Variants in HHLA1 observed in about 807,000 individuals in gnomAD.
HHLA1 encodes the protein HERV-H LTR-associating protein 1.
Under a neutral mutation model 69.9 loss-of-function variants are expected in HHLA1, and 72 were observed. The ratio of observed to expected loss-of-function variants is 1.03; its 90% confidence interval spans 0.85 to 1.25. HHLA1 has a LOEUF of 1.25. Ranked by LOEUF, HHLA1 falls within the 50% of genes most tolerant of loss-of-function variation. The probability of loss-of-function intolerance (pLI) is 0.00; values close to 1 mark genes in which losing one functional copy is unlikely to be tolerated. For missense variants in HHLA1, 685 were observed against 642.2 expected, an observed-to-expected ratio of 1.07 and a Z score of -0.72; for synonymous variants, 252 against 233.2, an observed-to-expected ratio of 1.08 and a Z score of -0.73.
At chr8:132,094,722 A>G (rs1318998078) in intron 7 of HHLA1, among the ~76,000 whole-genome samples, 1 of 152,058 alleles carries the variant, frequency 6.6e-6, no homozygotes, top group East Asian at 1.9e-4. Context: ...CACACCATGT[A>G]CTTGCAGTAC....
At chr8:132,110,565 G>A (rs1586738568) in intron 1 of HHLA1, among the ~76,000 whole-genome samples, 1 of 152,182 alleles carries the variant, frequency 6.6e-6, no homozygotes, top group Non-Finnish European at 1.5e-5. Context: ...CTAATGGCTT[G>A]TTATAATTCT....
intron 7 of HHLA1, among the ~76,000 whole-genome samples, chr8:132,095,110 A>G (rs1296018785): frequency 6.6e-6 from 1 of 152,196 alleles, no homozygotes; most frequent in Non-Finnish European, 1.5e-5. Context: ...GTTCTTATCA[A>G]TAACATTGTG....
rs759708284 is a variant in HHLA1 at position 132,076,546 on chromosome 8, GGGA to G, written c.1172-6_1172-4del. On this transcript the variant is annotated splice_polypyrimidine_tract_variant and splice_region_variant and intron_variant, in intron 12 of 16. Transcript: ENST00000414222. ...CTGTGTGCCATGGGTGAATGCTCCT[GGGA>G]GGAGATGAGAGAGAGGTGAGCCTGC... The G allele has an allele frequency of 2.6e-6, 4 of 1,518,148 alleles. No homozygotes were observed. The highest frequency in any genetic ancestry group is 3.5e-6 in the Non-Finnish European group (4 of 1,132,956). 94.0% of individuals were successfully genotyped at this position (1,518,148 alleles called of 1,614,324 possible). A position where few individuals can be genotyped will look rare whatever the true frequency, so the allele number is the denominator to read the frequency against.
At position 132,079,848 on chromosome 8, in the gene HHLA1, T is replaced by C. The variant is rs767644643; in HGVS notation, c.795A>G (p.Arg265=). Residue 265 remains arginine, a synonymous_variant, in exon 11 of 17, where the codon AGA becomes AGG. Transcript: ENST00000414222. ...TQSTPWASAL[R]SSPWTETAAP... ...CAGCTGTCTCTGTCCAGGGAGAGGA[T>C]CTCAGAGCAGATGCCCAGGGTGTGC... The C allele has an allele frequency of 2.6e-6, 4 of 1,551,796 alleles. No individual in the cohort carries two copies. The highest frequency in any genetic ancestry group is 2.0e-5 in the Admixed American group (1 of 50,988).
At chr8:132,086,245 C>T (rs1469535624) in intron 10 of HHLA1, among the ~76,000 whole-genome samples, 2 of 152,120 alleles carry the variant, frequency 1.3e-5, no homozygotes, top group African/African-American at 2.4e-5. Flanking sequence ...CCTATTAGCC[C>T]ATAGAGTCCC....
chr8:132,069,355 G>GTT (rs576274240), intron 15 of HHLA1, among the ~76,000 whole-genome samples: 3 of 151,606 alleles, frequency 2.0e-5, no homozygotes, highest in African/African-American at 7.3e-5. Flanking sequence ...TCCCACCAGT[G>GTT]TTTTTTTTGT....
intron 4 of HHLA1, among the ~76,000 whole-genome samples, 177 bp from the exon 5 acceptor site, chr8:132,099,139 G>A (rs546409988): frequency 6.6e-6 from 1 of 152,310 alleles, no homozygotes; most frequent in South Asian, 2.1e-4. Context: ...ACCTCAGGAG[G>A]TAACAGTCAA....
Position 132,065,954 on chromosome 8 carries a change from T to C in HHLA1, c.1484A>G (p.Tyr495Cys), listed in dbSNP as rs1023739222. ...TGCATTCTTCAGAAACCAGGAATAGTATTCAAGACAGTATCTAAAGATTTA... is the reference window on the plus strand; with the variant it reads ...TGCATTCTTCAGAAACCAGGAATAGCATTCAAGACAGTATCTAAAGATTTA... ...RTEDMRYCLE[Y>C]YSWFLKNATY... The change falls in exon 16 of 17, where the codon TAC (tyrosine) becomes TGC (cysteine). Residue 495 changes from tyrosine to cysteine, a missense_variant. By Grantham distance (194) the Tyr-to-Cys change is radical. Coordinates refer to ENST00000414222, the MANE Select transcript of HHLA1 (RefSeq NM_001145095.3). 6.7e-5 allele frequency: 87 copies of C among 1,295,384 alleles called. No homozygotes were observed. The Admixed American group carries it at 2.0e-3, about 29-fold the overall frequency. 80.2% of individuals were successfully genotyped at this position (1,295,384 alleles called of 1,614,324 possible). A position where few individuals can be genotyped will look rare whatever the true frequency, so the allele number is the denominator to read the frequency against.
At chr8:132,084,358 C>T (rs909186505) in intron 10 of HHLA1, among the ~76,000 whole-genome samples, 19 of 151,918 alleles carry the variant, frequency 1.3e-4, no homozygotes, top group African/African-American at 3.9e-4. Context: ...GACTCAGCGA[C>T]GCTTGGGGTT....
intron 11 of HHLA1, among the ~76,000 whole-genome samples, chr8:132,079,162 G>A (rs1823696081): frequency 6.6e-6 from 1 of 152,214 alleles, no homozygotes; most frequent in Non-Finnish European, 1.5e-5. Flanking sequence ...ATGTACGCAA[G>A]ATGCTGGGGA....
intron 5 of HHLA1, 90 bp downstream of exon 5, chr8:132,098,792 G>A (rs1824063456): frequency 2.6e-6 from 2 of 760,422 alleles, no homozygotes; most frequent in East Asian, 5.4e-5. Flanking sequence ...CAGAAGTGAA[G>A]TGTCTTGTCA....
At chr8:132,108,170 C>T (rs372051025) in intron 1 of HHLA1, among the ~76,000 whole-genome samples, 1 of 152,178 alleles carries the variant, frequency 6.6e-6, no homozygotes, top group East Asian at 1.9e-4. Flanking sequence ...CTCTGTGCCT[C>T]ACCCAAGACT....
intron 7 of HHLA1, among the ~76,000 whole-genome samples, chr8:132,094,008 G>T (rs1437205247): frequency 1.3e-5 from 2 of 152,076 alleles, no homozygotes; most frequent in African/African-American, 4.8e-5. Flanking sequence ...TACTCAGTGG[G>T]GGAAATAATC....
chr8:132,079,964 C>T lies in HHLA1; in HGVS notation c.679G>A (p.Ala227Thr), dbSNP rs1309088175. The T allele has an allele frequency of 2.6e-6, 4 of 1,552,326 alleles. No homozygotes were observed. The East Asian group carries it at 7.3e-5, about 28-fold the overall frequency. The change falls in exon 11 of 17, where the codon GCA becomes ACA. Residue 227 changes from alanine (A) to threonine (T), a missense_variant and splice_region_variant. Physicochemically the swap from Ala to Thr is moderately conservative, Grantham distance 58. Coordinates refer to ENST00000414222, the MANE Select transcript of HHLA1 (RefSeq NM_001145095.3). ...FTSGLSGVLGAATRGTARTSK... is the reference protein window; with the variant it reads ...FTSGLSGVLGTATRGTARTSK... ...GTCCTGGCAGTTCCCCTGGTAGCTG[C>T]ACCTTCAGGGAGGCAGTCAATGGTA...
chr8:132,106,170 A>C (rs1179155109), intron 1 of HHLA1, among the ~76,000 whole-genome samples: 1 of 152,172 alleles, frequency 6.6e-6, no homozygotes, highest in East Asian at 1.9e-4. Context: ...GAAATTTACC[A>C]TTGGTAGAGG....
At chr8:132,107,835 T>TTTGGAGAG (rs3048491) in intron 1 of HHLA1, among the ~76,000 whole-genome samples, 87,723 of 136,128 alleles carry the variant, frequency 0.64, 25,548 homozygotes, top group Middle Eastern at 0.72. Context: ...ACATCCATAG[T>TTTGGAGAG]TTGGAGAGAG....
intron 2 of HHLA1, among the ~76,000 whole-genome samples, chr8:132,104,666 T>C (rs1185931116): frequency 2.0e-5 from 3 of 151,868 alleles, no homozygotes; most frequent in Non-Finnish European, 4.4e-5. Context: ...AGGCCAACAG[T>C]GATGGGGGCA....
In HHLA1 at chr8:132,065,865, A is replaced by G. The variant is rs560318160; in HGVS notation, c.1552+21T>C. ...AATGCATTCACTGCAAAGTTACAAC[A>G]TAGTCAAGCTGTGTACTTACTGTGC... On this transcript the variant is annotated intron_variant, in intron 16 of 16. Coordinates refer to ENST00000414222, the MANE Select transcript of HHLA1 (RefSeq NM_001145095.3). 2.9e-5 allele frequency: 35 copies of G among 1,220,410 alleles called. No individual in the cohort carries two copies. In the South Asian group the frequency reaches 4.3e-4, roughly 15 times the overall value. 75.6% of individuals were successfully genotyped at this position (1,220,410 alleles called of 1,614,324 possible).
chr8:132,072,281 G>A (rs1563740707), intron 14 of HHLA1, among the ~76,000 whole-genome samples: 2 of 152,022 alleles, frequency 1.3e-5, no homozygotes, highest in African/African-American at 4.8e-5. Flanking sequence ...GCTTCCTATG[G>A]CTACACCTAC....
Sources: gnomAD v4.1 joint callset for allele counts (sites outside exome capture counted in the v4.1 genomes callset) on GRCh38, gnomAD v4.1.1 for gene constraint, MANE v1.5 for transcripts, NCBI Gene and HGNC (gene_info 2026-07-23, HGNC 2026-07-21) for gene names.